CDH13: variants seen among roughly 807,000 people sequenced by gnomAD.
CDH13 encodes the protein cadherin-13.
Under a neutral mutation model 63.8 loss-of-function variants are expected in CDH13, and 24 were observed. That is an observed-to-expected ratio of 0.38 (90% CI 0.27 to 0.53). The LOEUF is 0.53. Ranked by LOEUF, CDH13 falls within the 20% of genes least tolerant of loss-of-function variation. The pLI is 0.85. For missense variants in CDH13, 1,049 were observed against 903.1 expected (o/e 1.16, Z -2.07); for synonymous variants, 503 against 355.3 (o/e 1.42, Z -4.67).
intron 7 of CDH13, among the ~76,000 whole-genome samples, chr16:83,570,635 C>G (rs1182022725): frequency 6.6e-6 from 1 of 150,394 alleles, no homozygotes; most frequent in Non-Finnish European, 1.5e-5. Context: ...GAGACAAAGT[C>G]CATCCTAGTA....
chr16:82,638,343 C>G (rs1490046860), intron 1 of CDH13, among the ~76,000 whole-genome samples: 1 of 152,166 alleles, frequency 6.6e-6, no homozygotes, highest in African/African-American at 2.4e-5. Flanking sequence ...AGCTTGAATC[C>G]CTGCCCAGCC....
At chr16:83,738,490 A>G (rs1911747592) in intron 10 of CDH13, among the ~76,000 whole-genome samples, 1 of 152,178 alleles carries the variant, frequency 6.6e-6, no homozygotes, top group Non-Finnish European at 1.5e-5. Context: ...CAGAGGACCA[A>G]ACTAGCATTT....
rs749710381 is a variant in CDH13, at chr16:83,798,032, C to G, written c.*3002C>G. On this transcript the variant is annotated 3_prime_UTR_variant, in exon 14 of 14. Transcript: ENST00000567109. Reference sequence around the variant, plus strand: ...ACACCAGCAAATCTAAGCATTATAACGAAATAAATCCAGCCAGATTTCATG... The same window carrying G: ...ACACCAGCAAATCTAAGCATTATAAGGAAATAAATCCAGCCAGATTTCATG... 5.2e-4 allele frequency: 79 copies of G among 152,136 alleles called. No individual in the cohort carries two copies. Among genetic ancestry groups the G allele is most frequent in the Non-Finnish European group, 1.0e-3 (69 of 68,028 alleles). The allele number at this position is 152,136 out of a possible 1,614,324, so 9.4% of individuals were successfully genotyped here. A position where few individuals can be genotyped will look rare whatever the true frequency, so the allele number is the denominator to read the frequency against.
intron 9 of CDH13, among the ~76,000 whole-genome samples, chr16:83,676,945 G>T (rs534775719): frequency 5.9e-5 from 9 of 152,276 alleles, no homozygotes; most frequent in African/African-American, 2.2e-4. Flanking sequence ...CATGTCCACT[G>T]CAACCTCTAC....
At chr16:83,030,883 C>A (rs559012804) in intron 2 of CDH13, among the ~76,000 whole-genome samples, 9 of 151,946 alleles carry the variant, frequency 5.9e-5, no homozygotes, top group African/African-American at 1.9e-4. Context: ...AGATTCCCAC[C>A]ATCCCTGCCC....
chr16:83,161,159 A>G (rs1353762971), intron 4 of CDH13, among the ~76,000 whole-genome samples: 3 of 152,216 alleles, frequency 2.0e-5, no homozygotes, highest in African/African-American at 7.2e-5. Context: ...CTAAGGCTAT[A>G]TTGGACCACT....
At chr16:82,722,213 G>T (rs2032816930) in intron 1 of CDH13, among the ~76,000 whole-genome samples, 1 of 152,158 alleles carries the variant, frequency 6.6e-6, no homozygotes, top group Non-Finnish European at 1.5e-5. Context: ...GAAATGTATA[G>T]TTCACTTAAC....
At chr16:83,483,595 G>A (rs994477594) in intron 6 of CDH13, among the ~76,000 whole-genome samples, 4 of 151,614 alleles carry the variant, frequency 2.6e-5, no homozygotes, top group African/African-American at 7.3e-5. Flanking sequence ...CCAATCAATC[G>A]AGCATTCATT....
intron 1 of CDH13, among the ~76,000 whole-genome samples, chr16:82,793,365 C>T (rs1017006442): frequency 2.3e-5 from 3 of 132,308 alleles, no homozygotes; most frequent in African/African-American, 7.8e-5. Context: ...AAGATACTTT[C>T]TGTGGAAAAG....
Position 83,114,846 on chromosome 16 carries a change from A to G in CDH13, c.367-10539A>G, listed in dbSNP as rs114880156. ...GGCTGAACCATGTGTTTGATTGCAT[A>G]CAAAATGTGAATTGAGTAGCACAGA... On this transcript the variant is annotated intron_variant, in intron 3 of 13. Transcript: ENST00000567109. 4.5e-3 allele frequency among the ~76,000 whole-genome samples: 683 copies of G among 152,360 alleles called. 6 individuals are homozygous for G. The highest frequency in any genetic ancestry group is 0.016 in the African/African-American group (652 of 41,592).
chr16:82,782,651 A>G (rs1398707688), intron 1 of CDH13, among the ~76,000 whole-genome samples: 1 of 152,236 alleles, frequency 6.6e-6, no homozygotes, highest in African/African-American at 2.4e-5. Flanking sequence ...GCAGACTTGA[A>G]TTTAATTGGC....
intron 3 of CDH13, among the ~76,000 whole-genome samples, chr16:83,124,248 G>C (rs1310323915): frequency 6.6e-6 from 1 of 152,122 alleles, no homozygotes; most frequent in African/African-American, 2.4e-5. Context: ...GTTTCACCAT[G>C]TTGGCCAGGC....
chr16:82,743,012 T>C (rs948242222), intron 1 of CDH13, among the ~76,000 whole-genome samples: 1 of 152,222 alleles, frequency 6.6e-6, no homozygotes, highest in Admixed American at 6.5e-5. Context: ...CCATGAGAAA[T>C]AATTTTTATT....
intron 1 of CDH13, among the ~76,000 whole-genome samples, chr16:82,647,466 G>C (rs1472036490): frequency 1.3e-5 from 2 of 152,070 alleles, no homozygotes; most frequent in African/African-American, 4.8e-5. Flanking sequence ...AGGCAAGGAA[G>C]GAAAAGGAAA....
intron 4 of CDH13, among the ~76,000 whole-genome samples, chr16:83,138,476 T>C (rs900804371): frequency 1.3e-5 from 2 of 152,122 alleles, no homozygotes; most frequent in South Asian, 2.1e-4. Context: ...GAAAGCGCTC[T>C]CCAGGCAGTG....
chr16:83,223,270 C>T (rs925890337), intron 5 of CDH13, among the ~76,000 whole-genome samples: 4 of 152,190 alleles, frequency 2.6e-5, no homozygotes, highest in Admixed American at 1.3e-4. Flanking sequence ...TGGCACCTTG[C>T]ACCCTCCAGA....
intron 3 of CDH13, among the ~76,000 whole-genome samples, chr16:83,114,361 C>T (rs192540209): frequency 8.3e-4 from 127 of 152,256 alleles, no homozygotes; most frequent in South Asian, 5.2e-3. Flanking sequence ...GACTTGCACC[C>T]ATTTCTAACA....
Position 82,949,030 on chromosome 16 carries a change from C to T in CDH13, c.158-82980C>T, listed in dbSNP as rs375239240. Among the ~76,000 whole-genome samples the T allele has an allele frequency of 1.3e-3, 202 of 152,206 alleles. 1 individual carries two copies. Among genetic ancestry groups the T allele is most frequent in the African/African-American group, 4.5e-3 (188 of 41,536 alleles). ...TGTGAGAGAGTTTTCAAATCTTTGG[C>T]AAATTACCCTGTGTAAACCTCCTTA... On this transcript the variant is annotated intron_variant, in intron 2 of 13. Coordinates refer to ENST00000567109, the MANE Select transcript of CDH13 (RefSeq NM_001257.5).
intron 6 of CDH13, among the ~76,000 whole-genome samples, chr16:83,416,411 C>T (rs538374876): frequency 6.6e-6 from 1 of 152,188 alleles, no homozygotes; most frequent in East Asian, 1.9e-4. Context: ...TTCTTTTTGA[C>T]TCTCATGACC....
Sources: allele counts gnomAD v4.1 joint callset (sites outside exome capture counted in the v4.1 genomes callset), GRCh38; gene constraint gnomAD v4.1.1; transcripts MANE v1.5; gene names NCBI Gene and HGNC (gene_info 2026-07-23, HGNC 2026-07-21).